Variants in WDR97 observed in about 807,000 individuals in gnomAD.
The protein encoded by WDR97 is WD repeat domain 97, also known as WD repeat-containing protein 97.
In WDR97, 111 loss-of-function variants were observed where a neutral mutation model predicts 65.4. That is an observed-to-expected ratio of 1.70 (90% CI 1.45 to 1.99). The LOEUF is 1.99. Among genes scored for constraint, WDR97 ranks in the 30% most tolerant of loss-of-function variants. The pLI, the probability that WDR97 is intolerant of heterozygous loss-of-function variation, is 0.00. For missense variants in WDR97, 1,674 were observed against 865.0 expected (o/e 1.94, Z -11.73); for synonymous variants, 802 against 397.7 (o/e 2.02, Z -12.10).
Position 144,111,938 on chromosome 8 carries a change from G to A in WDR97, c.2689G>A (p.Val897Met), listed in dbSNP as rs1348325091. The change falls in exon 13 of 24, where the codon GTG becomes ATG. Residue 897 changes from valine (V) to methionine (M), a missense_variant. By Grantham distance (21) the Val-to-Met change is conservative. Transcript: ENST00000323662. ...GCAGTGGAGTGCCGGGACCCTCAGA[G>A]TGGAGAGAGAGACCCGGGATGTGTG... ...SQQWSAGTLRVERETRDVCAV... is the reference protein window; with the variant it reads ...SQQWSAGTLRMERETRDVCAV... 5.7e-6 allele frequency: 4 copies of A among 702,540 alleles called. No homozygotes were observed. Among genetic ancestry groups the A allele is most frequent in the Non-Finnish European group, 1.0e-5 (4 of 384,926 alleles). The allele number at this position is 702,540 out of a possible 1,614,324, so 43.5% of individuals were successfully genotyped here.
rs1462981362 is a variant in WDR97, at chr8:144,114,286, G to A, written c.3603G>A (p.Pro1201=). The change falls in exon 19 of 24, where the codon CCG becomes CCA. Residue 1201 remains proline (P), a synonymous_variant. Transcript: ENST00000323662. ...AGCATGCTACCCTGCAGGCATACCC[G>A]GAGGCGGGCACGATCGAGGGCCTGG... is the stretch of plus-strand genomic sequence containing the variant. ...LFPIFSLQAY[P]EAGTIEGLAS... is the part of the protein sequence containing the mutation. The A allele has an allele frequency of 1.1e-5, 8 of 701,136 alleles. No homozygotes were observed. Among genetic ancestry groups the A allele is most frequent in the South Asian group, 3.0e-5 (2 of 67,574 alleles). The allele number at this position is 701,136 out of a possible 1,614,324, so 43.4% of individuals were successfully genotyped here.
In WDR97 at chr8:144,110,445, G is replaced by A. The variant is rs939076066; in HGVS notation, c.1948G>A (p.Ala650Thr). Residue 650 changes from alanine to threonine, a missense_variant, in exon 7 of 24, where the codon GCG becomes ACG. Physicochemically the swap from Ala to Thr is moderately conservative, Grantham distance 58. Coordinates refer to ENST00000323662, the MANE Select transcript of WDR97 (RefSeq NM_001316309.2). ...SCCYPAVALC[A>T]LGRRVTAGFE... ...CTGCTACCCGGCCGTGGCGCTCTGT[G>A]CGCTAGGCAGACGCGTCACCGCGGG... 1.4e-6 allele frequency: 1 copy of A among 702,904 alleles called. No individual in the cohort carries two copies. The highest frequency in any genetic ancestry group is 1.7e-5 in the African/African-American group (1 of 57,276). The allele number at this position is 702,904 out of a possible 1,614,324, so 43.5% of individuals were successfully genotyped here.
intron 22 of WDR97, 31 bp from the exon 23 acceptor site, chr8:144,115,912 G>T (rs1317967519): frequency 1.4e-6 from 1 of 700,818 alleles, no homozygotes; most frequent in Non-Finnish European, 2.6e-6. Flanking sequence ...GCGTGGGGCT[G>T]GGCCAGCTGA....
Position 144,116,249 on chromosome 8 carries a change from C to T in WDR97, c.4825C>T (p.Arg1609Cys), listed in dbSNP as rs1399686131. ...PPRLLQPALQ[R>C]YFLPADADPD... ...GCGGCTCCTGCAGCCGGCCCTGCAG[C>T]GCTACTTTCTGCCAGCGGACGCGGA... is the stretch of plus-strand genomic sequence containing the variant. The change falls in exon 24 of 24, where the codon CGC (arginine) becomes TGC (cysteine). Residue 1609 changes from arginine to cysteine, a missense_variant. Physicochemically the swap from Arg to Cys is radical, Grantham distance 180. Transcript: ENST00000323662. 10 of 672,714 alleles carry T rather than the reference C, an allele frequency of 1.5e-5. No individual in the cohort carries two copies. Among genetic ancestry groups the T allele is most frequent in the Non-Finnish European group, 2.7e-5 (10 of 368,680 alleles). The allele number at this position is 672,714 out of a possible 1,614,324, so 41.7% of individuals were successfully genotyped here.
intron 15 of WDR97, 48 bp from the exon 16 acceptor site, chr8:144,113,392 G>A (rs773107931): frequency 1.8e-6 from 1 of 561,080 alleles, no homozygotes; most frequent in Non-Finnish European, 3.2e-6. Context: ...GTGGTGTCCA[G>A]GCTGGGGAAT....
rs138869895 is a variant in WDR97, at chr8:144,110,467, C to T, written c.1970C>T (p.Ala657Val). ...TGTGCGCTAGGCAGACGCGTCACCG[C>T]GGGCTTTGAGGACCCAGACAGCGCT... Reference protein sequence around the residue: ...ALCALGRRVTAGFEDPDSATY... With the variant: ...ALCALGRRVTVGFEDPDSATY... Residue 657 changes from alanine to valine, a missense_variant, in exon 7 of 24, where the codon GCG becomes GTG. Physicochemically the swap from Ala to Val is moderately conservative, Grantham distance 64 (BLOSUM62 0). Transcript: ENST00000323662. 7.0e-5 allele frequency: 49 copies of T among 703,004 alleles called. No individual in the cohort carries two copies. In the East Asian group the frequency reaches 1.3e-3, roughly 18 times the overall value. 43.5% of individuals were successfully genotyped at this position (703,004 alleles called of 1,614,324 possible).
rs553780248 is a variant in WDR97 at position 144,112,823 on chromosome 8, T to C, written c.3105+293T>C. 124 of 494,122 alleles carry C rather than the reference T, an allele frequency of 2.5e-4. 1 individual carries two copies. In the South Asian group the frequency reaches 3.2e-3, roughly 13 times the overall value. The allele number at this position is 494,122 out of a possible 1,614,324, so 30.6% of individuals were successfully genotyped here. ...CAGCCGGTTATGCCACACACCCCTT[T>C]CCCCCGTGGAGGCGCTGGGAGGGCA... On this transcript the variant is annotated intron_variant, in intron 15 of 23. Transcript: ENST00000323662.
At chr8:144,108,007 G>A in intron 1 of WDR97, 52 bp from the exon 2 acceptor site, 1 of 702,496 alleles carries the variant, frequency 1.4e-6, no homozygotes, top group Non-Finnish European at 2.6e-6. Flanking sequence ...ATAACCGTCA[G>A]GGTCGAGGAC....
chr8:144,116,018 G>C lies in WDR97; in HGVS notation c.4666+5G>C, dbSNP rs924272214. ...GGTCCGCGATGAGACTGAGGGGTGA[G>C]TGGAGCCAGGGGTGGAGACTGGACC... On this transcript the variant is annotated splice_donor_5th_base_variant and intron_variant, in intron 23 of 23. Transcript: ENST00000323662. The C allele has an allele frequency of 3.6e-5, 25 of 699,818 alleles. No individual in the cohort carries two copies. Among genetic ancestry groups the C allele is most frequent in the Non-Finnish European group, 6.5e-5 (25 of 384,384 alleles). 43.4% of individuals were successfully genotyped at this position (699,818 alleles called of 1,614,324 possible). A position where few individuals can be genotyped will look rare whatever the true frequency, so the allele number is the denominator to read the frequency against.
Position 144,116,010 on chromosome 8 carries a change from AG to A in WDR97, c.4666+1del. ...GTCCGCGAGGTCCGCGATGAGACTG[AG>A]GGGTGAGTGGAGCCAGGGGTGGAGA... ...QRSARSAMRLRGPMRSRLCAG... is the reference protein window; with the variant it reads ...QRSARSAMRLXGPMRSRLCAG... On this transcript the variant is annotated frameshift_variant and splice_region_variant, in exon 23 of 24. Transcript: ENST00000323662. LOFTEE classifies it low-confidence loss of function (END_TRUNC). 1.4e-6 allele frequency: 1 copy of A among 700,062 alleles called. No homozygotes were observed. The highest frequency in any genetic ancestry group is 2.0e-5 in the Admixed American group (1 of 49,984). The allele number at this position is 700,062 out of a possible 1,614,324, so 43.4% of individuals were successfully genotyped here.
chr8:144,115,253 G>A (rs1249007520), intron 21 of WDR97, 88 bp from the exon 22 acceptor site: 1 of 572,768 alleles, frequency 1.7e-6, no homozygotes, highest in Non-Finnish European at 3.1e-6. Flanking sequence ...CCTGACAGAT[G>A]GAAAGCTCGC....
Position 144,110,027 on chromosome 8 carries a change from A to G in WDR97, c.1693A>G (p.Lys565Glu). ...CTCTGTGGCCTGCGCCTGGAAGAAC[A>G]AGAACCGGTGGGTGCGGGAGCCGGC... is the stretch of plus-strand genomic sequence containing the variant. ...CSSVACAWKN[K>E]NRYLPVVGHT... Residue 565 changes from lysine (K) to glutamate (E), a missense_variant, in exon 5 of 24, where the codon AAG becomes GAG. Physicochemically the swap from Lys to Glu is moderately conservative, Grantham distance 56. Coordinates refer to ENST00000323662, the MANE Select transcript of WDR97 (RefSeq NM_001316309.2). 1.4e-6 allele frequency: 1 copy of G among 696,382 alleles called. No individual in the cohort carries two copies. Among genetic ancestry groups the G allele is most frequent in the Non-Finnish European group, 2.6e-6 (1 of 380,540 alleles). The allele number at this position is 696,382 out of a possible 1,614,324, so 43.1% of individuals were successfully genotyped here. A position where few individuals can be genotyped will look rare whatever the true frequency, so the allele number is the denominator to read the frequency against.
In WDR97 at chr8:144,115,661, G is replaced by A; in HGVS notation, c.4398G>A (p.Pro1466=). The A allele has an allele frequency of 1.4e-6, 1 of 694,608 alleles. No individual in the cohort carries two copies. The highest frequency in any genetic ancestry group is 2.6e-6 in the Non-Finnish European group (1 of 380,774). 43.0% of individuals were successfully genotyped at this position (694,608 alleles called of 1,614,324 possible). The change falls in exon 22 of 24, where the codon CCG becomes CCA. Residue 1466 remains proline, a synonymous_variant. Transcript: ENST00000323662. ...CTGCTCAGCTGCCCGGAGAGCCGCC[G>A]CCGCTGGAGGAGACCGACTGGTCGC... ...AGPAQLPGEP[P]PLEETDWSHS...
intron 15 of WDR97, 89 bp downstream of exon 15, chr8:144,112,619 G>A (rs369387072): frequency 2.9e-6 from 2 of 688,258 alleles, no homozygotes. Context: ...AAATCTTTGT[G>A]TCCAAATCTG....
rs1460956269 is a variant in WDR97, at chr8:144,117,272, C to G, written c.*979C>G. 6.6e-6 allele frequency: 1 copy of G among 152,378 alleles called. No individual in the cohort carries two copies. The highest frequency in any genetic ancestry group is 1.5e-5 in the Non-Finnish European group (1 of 68,192). The allele number at this position is 152,378 out of a possible 1,614,324, so 9.4% of individuals were successfully genotyped here. A position where few individuals can be genotyped will look rare whatever the true frequency, so the allele number is the denominator to read the frequency against. On this transcript the variant is annotated 3_prime_UTR_variant, in exon 24 of 24. Coordinates refer to ENST00000323662, the MANE Select transcript of WDR97 (RefSeq NM_001316309.2). ...CTGAACCTGCCTCTTCACCTCCAGG[C>G]ACTACCGCATCCTCCCACTGCAGAA... is the stretch of plus-strand genomic sequence containing the variant.
chr8:144,109,306 C>T (rs1197366317), intron 4 of WDR97, 29 bp from the exon 5 acceptor site: 13 of 699,982 alleles, frequency 1.9e-5, no homozygotes, highest in Non-Finnish European at 2.3e-5. Context: ...TGCCTTCAGT[C>T]GGCCGAGTGA....
At position 144,108,171 on chromosome 8, in the gene WDR97, C is replaced by T. The variant is rs1231178876; in HGVS notation, c.225C>T (p.Thr75=). 1.0e-5 allele frequency: 7 copies of T among 701,982 alleles called. No homozygotes were observed. Among genetic ancestry groups the T allele is most frequent in the Non-Finnish European group, 1.8e-5 (7 of 384,616 alleles). The allele number at this position is 701,982 out of a possible 1,614,324, so 43.5% of individuals were successfully genotyped here. ...RARRLWLLLR[T]SLHEVVEKEK... ...GCCGGCTGTGGCTGCTTCTGCGCACCAGCCTCCACGAAGTCGTGGAAAAGG... is the reference window on the plus strand; with the variant it reads ...GCCGGCTGTGGCTGCTTCTGCGCACTAGCCTCCACGAAGTCGTGGAAAAGG... The change falls in exon 2 of 24, where the codon ACC becomes ACT. Residue 75 remains threonine, a synonymous_variant. Coordinates refer to ENST00000323662, the MANE Select transcript of WDR97 (RefSeq NM_001316309.2).
chr8:144,108,232 C>G, intron 2 of WDR97, 37 bp downstream of exon 2: 1 of 696,202 alleles, frequency 1.4e-6, no homozygotes, highest in Non-Finnish European at 2.6e-6. Context: ...TGGCCTCTTT[C>G]CGGATCTGGG....
chr8:144,108,131 C>T lies in WDR97; in HGVS notation c.185C>T (p.Pro62Leu), dbSNP rs1028075618. 1.4e-5 allele frequency: 10 copies of T among 702,458 alleles called. No homozygotes were observed. Among genetic ancestry groups the T allele is most frequent in the African/African-American group, 1.0e-4 (6 of 57,280 alleles). 43.5% of individuals were successfully genotyped at this position (702,458 alleles called of 1,614,324 possible). The change falls in exon 2 of 24, where the codon CCG (proline) becomes CTG (leucine). Residue 62 changes from proline (P) to leucine (L), a missense_variant. Transcript: ENST00000323662. ...TSSQQWQSLT[P>L]RARARRLWLL... ...AGCCAACAGTGGCAAAGCCTGACCCCGCGCGCCCGCGCCCGCCGGCTGTGG... is the reference window on the plus strand; with the variant it reads ...AGCCAACAGTGGCAAAGCCTGACCCTGCGCGCCCGCGCCCGCCGGCTGTGG...
Sources: gnomAD v4.1 joint callset for allele counts on GRCh38, gnomAD v4.1.1 for gene constraint, MANE v1.5 for transcripts, NCBI Gene and HGNC (gene_info 2026-07-23, HGNC 2026-07-21) for gene names.